The following C2orf66 variants were observed in gnomAD, a reference collection of about 807,000 sequenced individuals.
C2orf66 encodes uncharacterized protein C2orf66.
Under a neutral mutation model 7.0 loss-of-function variants are expected in C2orf66, and 6 were observed. That is an observed-to-expected ratio of 0.86 (90% CI 0.47 to 1.69). The LOEUF is 1.69. Ranked by LOEUF, C2orf66 falls within the 40% of genes most tolerant of loss-of-function variation. The probability of loss-of-function intolerance (pLI) is 0.01; values close to 1 mark genes in which losing one functional copy is unlikely to be tolerated. For missense variants in C2orf66, 107 were observed against 112.0 expected (o/e 0.96, Z 0.20); for synonymous variants, 38 against 43.8 (o/e 0.87, Z 0.52).
the C2orf66 span, among the ~76,000 whole-genome samples, chr2:196,828,603 A>T: frequency 3.3e-5 from 5 of 152,160 alleles, no homozygotes; most frequent in African/African-American, 1.2e-4. Flanking sequence ...ATTAAGGTTG[A>T]CTTTGAGTTA....
the C2orf66 span, among the ~76,000 whole-genome samples, chr2:196,829,657 G>A: frequency 3.9e-4 from 60 of 152,030 alleles, no homozygotes; most frequent in African/African-American, 1.4e-3. Context: ...CAGCACTTTG[G>A]GGTGCCGAGG....
upstream of C2orf66, among the ~76,000 whole-genome samples, chr2:196,812,893 A>G (rs1699889768): frequency 1.3e-5 from 2 of 152,254 alleles, no homozygotes; most frequent in Non-Finnish European, 2.9e-5. Context: ...GGATCTCTTC[A>G]AGGAGAACTA....
the C2orf66 span, among the ~76,000 whole-genome samples, chr2:196,827,370 T>C: frequency 7.6e-3 from 1,163 of 152,074 alleles, 20 homozygotes; most frequent in African/African-American, 0.027. Context: ...TGCAACTATA[T>C]GACAAACTTT....
chr2:196,817,291 G>A, the C2orf66 span, among the ~76,000 whole-genome samples: 1 of 144,174 alleles, frequency 6.9e-6, no homozygotes, highest in African/African-American at 2.7e-5. Context: ...CTGGAGTGCA[G>A]TGGCGAGATC....
At chr2:196,831,818 T>C in the C2orf66 span, among the ~76,000 whole-genome samples, 1 of 152,240 alleles carries the variant, frequency 6.6e-6, no homozygotes, top group Non-Finnish European at 1.5e-5. Flanking sequence ...ATTATCCCCC[T>C]TATAAGGTTA....
At chr2:196,828,799 A>C in the C2orf66 span, among the ~76,000 whole-genome samples, 759 of 152,298 alleles carry the variant, frequency 5.0e-3, 5 homozygotes, top group African/African-American at 0.017. Context: ...ACCAGAGTTC[A>C]AGAGTCCCCG....
upstream of C2orf66, among the ~76,000 whole-genome samples, chr2:196,810,690 G>A (rs576875591): frequency 4.6e-5 from 7 of 152,248 alleles, no homozygotes; most frequent in African/African-American, 1.7e-4. Context: ...TAGCAAACCT[G>A]GCTATAGTCT....
the C2orf66 span, among the ~76,000 whole-genome samples, chr2:196,816,303 G>T: frequency 6.6e-6 from 1 of 152,152 alleles, no homozygotes; most frequent in African/African-American, 2.4e-5. Flanking sequence ...TGGTATAGGG[G>T]CTTAGAGTCA....
chr2:196,830,651 C>T, the C2orf66 span, among the ~76,000 whole-genome samples: 2 of 152,182 alleles, frequency 1.3e-5, no homozygotes, highest in Non-Finnish European at 2.9e-5. Flanking sequence ...CGTGAACATG[C>T]TAGATGCCTG....
At chr2:196,814,992 C>T in the C2orf66 span, among the ~76,000 whole-genome samples, 4 of 152,002 alleles carry the variant, frequency 2.6e-5, no homozygotes, top group Admixed American at 6.6e-5. Context: ...AGAGACAGGG[C>T]CGTACTCTGC....
the C2orf66 span, among the ~76,000 whole-genome samples, chr2:196,819,975 CTG>C: frequency 3.3e-5 from 5 of 152,216 alleles, no homozygotes; most frequent in South Asian, 1.0e-3. Flanking sequence ...CCAATAGAGA[CTG>C]GGGAAACTGT....
the C2orf66 span, among the ~76,000 whole-genome samples, chr2:196,830,391 C>G: frequency 6.6e-6 from 1 of 152,170 alleles, no homozygotes; most frequent in African/African-American, 2.4e-5. Context: ...CCGTCCAAAC[C>G]CAAAGAATGG....
chr2:196,830,634 G>C, the C2orf66 span, among the ~76,000 whole-genome samples: 1 of 152,208 alleles, frequency 6.6e-6, no homozygotes, highest in Admixed American at 6.5e-5. Flanking sequence ...ATGGGAACTT[G>C]CGTAAGCGTG....
chr2:196,827,506 T>C, the C2orf66 span, among the ~76,000 whole-genome samples: 6 of 152,142 alleles, frequency 3.9e-5, no homozygotes, highest in Non-Finnish European at 8.8e-5. Flanking sequence ...CACCACCTTC[T>C]TCAGGCAGCA....
At chr2:196,824,972 G>A in the C2orf66 span, among the ~76,000 whole-genome samples, 5 of 152,150 alleles carry the variant, frequency 3.3e-5, no homozygotes, top group Non-Finnish European at 5.9e-5. Context: ...GGTGGCTCAT[G>A]TCTGTAATCC....
chr2:196,804,886 A>C lies in C2orf66; in HGVS notation c.*542T>G, dbSNP rs1056851358. Reference sequence around the variant, plus strand: ...TTTAACTTAATTGTGGCTGTTTATCACTTGCCCTCATTTCTTATGAAACTA... The same window carrying C: ...TTTAACTTAATTGTGGCTGTTTATCCCTTGCCCTCATTTCTTATGAAACTA... On this transcript the variant is annotated 3_prime_UTR_variant, in exon 3 of 3. Transcript: ENST00000342506. 1 of 152,190 alleles carries C rather than the reference A, an allele frequency of 6.6e-6. No homozygotes were observed. The highest frequency in any genetic ancestry group is 1.5e-5 in the Non-Finnish European group (1 of 68,030). The allele number at this position is 152,190 out of a possible 1,614,324, so 9.4% of individuals were successfully genotyped here. A position where few individuals can be genotyped will look rare whatever the true frequency, so the allele number is the denominator to read the frequency against.
At chr2:196,806,781 A>C (rs1322345630) in intron 2 of C2orf66, among the ~76,000 whole-genome samples, 1 of 152,008 alleles carries the variant, frequency 6.6e-6, no homozygotes, top group Non-Finnish European at 1.5e-5. Context: ...CTTTGAACCC[A>C]GGAGGTGGAG....
chr2:196,810,487 G>C (rs1699863796), upstream of C2orf66, among the ~76,000 whole-genome samples: 2 of 151,922 alleles, frequency 1.3e-5, no homozygotes, highest in African/African-American at 4.8e-5. Context: ...AGAGCAAGAA[G>C]ATAACACATG....
chr2:196,829,962 T>C, the C2orf66 span, among the ~76,000 whole-genome samples: 1 of 152,008 alleles, frequency 6.6e-6, no homozygotes, highest in African/African-American at 2.4e-5. Flanking sequence ...TACACAACAT[T>C]AGGACAGGCA....
Sources: gnomAD v4.1 joint callset for allele counts (sites outside exome capture counted in the v4.1 genomes callset) on GRCh38, gnomAD v4.1.1 for gene constraint, MANE v1.5 for transcripts, NCBI Gene and HGNC (gene_info 2026-07-23, HGNC 2026-07-21) for gene names.